Variants in NRG1 observed in about 807,000 individuals in gnomAD.
NRG1 encodes the protein neuregulin 1.
A neutral mutation model predicts 63.8 loss-of-function variants in NRG1; 18 were observed. The ratio of observed to expected loss-of-function variants is 0.28; its 90% CI spans 0.19 to 0.42. The LOEUF is 0.42. Among genes scored for constraint, NRG1 ranks in the 10% least tolerant of loss-of-function variants. The probability of loss-of-function intolerance (pLI) is 1.00; values close to 1 mark genes in which losing one functional copy is unlikely to be tolerated. For synonymous variants in NRG1, 302 were observed against 301.3 expected (o/e 1.00, Z -0.02); for missense variants, 762 against 814.7 (o/e 0.94, Z 0.79).
intron 1 of NRG1, among the ~76,000 whole-genome samples, chr8:32,263,346 A>G (rs934121446): frequency 1.3e-5 from 2 of 152,202 alleles, no homozygotes; most frequent in African/African-American, 4.8e-5. Flanking sequence ...ATTATGGCAC[A>G]CTGCCTTCCT....
chr8:31,667,513 G>A (rs1161576178), intron 1 of NRG1, among the ~76,000 whole-genome samples: 1 of 152,176 alleles, frequency 6.6e-6, no homozygotes, highest in African/African-American at 2.4e-5. Context: ...TTATGGGCAA[G>A]TACATGCAGG....
At chr8:32,412,463 T>TATATGTATATCTATAC (rs1554532953) in intron 1 of NRG1, among the ~76,000 whole-genome samples, 1 of 115,238 alleles carries the variant, frequency 8.7e-6, no homozygotes, top group Non-Finnish European at 1.9e-5. Context: ...CATATATATA[T>TATATGTATATCTATAC]ATATATATAT....
intron 1 of NRG1, among the ~76,000 whole-genome samples, chr8:31,891,644 T>A (rs1239533794): frequency 6.6e-6 from 1 of 152,108 alleles, no homozygotes; most frequent in Admixed American, 6.5e-5. Context: ...GCTTTTCTCA[T>A]AGAGAAGTGA....
chr8:31,712,203 G>C (rs1232230647), intron 1 of NRG1, among the ~76,000 whole-genome samples: 8 of 143,606 alleles, frequency 5.6e-5, no homozygotes, highest in African/African-American at 2.1e-4. Flanking sequence ...CTTGAGCTCT[G>C]ACAGGTTATA....
At chr8:31,924,693 A>G (rs1834193447) in intron 1 of NRG1, among the ~76,000 whole-genome samples, 2 of 148,326 alleles carry the variant, frequency 1.3e-5, no homozygotes, top group Non-Finnish European at 3.0e-5. Flanking sequence ...GAATTAGAGT[A>G]TAGATTATTG....
At chr8:31,953,198 A>G (rs941579112) in intron 1 of NRG1, among the ~76,000 whole-genome samples, 3 of 152,192 alleles carry the variant, frequency 2.0e-5, no homozygotes, top group Admixed American at 6.6e-5. Flanking sequence ...TGCATACTGA[A>G]GTATTTAGGG....
At chr8:31,647,780 A>G (rs1804431468) in intron 1 of NRG1, among the ~76,000 whole-genome samples, 1 of 152,186 alleles carries the variant, frequency 6.6e-6, no homozygotes, top group African/African-American at 2.4e-5. Context: ...ATTCCCATCC[A>G]TAGAGATGGG....
At chr8:32,132,704 C>A (rs1834997258) in intron 1 of NRG1, among the ~76,000 whole-genome samples, 1 of 152,062 alleles carries the variant, frequency 6.6e-6, no homozygotes, top group African/African-American at 2.4e-5. Flanking sequence ...ATAGTGTTTA[C>A]TGCTTTGCCA....
At position 31,644,900 on chromosome 8, in the gene NRG1, A is replaced by G. The variant is rs145740740; in HGVS notation, c.37+5469A>G. On this transcript the variant is annotated intron_variant, in intron 1 of 10. Coordinates refer to the NRG1 transcript ENST00000519301. Reference sequence around the variant, plus strand: ...AATCTCTTTTGATAGCTCTTAATGAATGGGTATTTTGATTAGCTTTGTATA... The same window carrying G: ...AATCTCTTTTGATAGCTCTTAATGAGTGGGTATTTTGATTAGCTTTGTATA... Among the ~76,000 whole-genome samples, 73 of 152,220 alleles carry G rather than the reference A, an allele frequency of 4.8e-4. 1 individual carries two copies. In the South Asian group the frequency reaches 8.3e-3, roughly 17 times the overall value.
chr8:32,760,346 G>C, exon 11 of NRG1: 1 of 1,614,000 alleles, frequency 6.2e-7, no homozygotes, highest in Non-Finnish European at 8.5e-7. Flanking sequence ...GAATGTAACA[G>C]CTTCCTCAGG....
chr8:32,296,974 G>A (rs1266531026), intron 1 of NRG1, among the ~76,000 whole-genome samples: 1 of 151,992 alleles, frequency 6.6e-6, no homozygotes, highest in Non-Finnish European at 1.5e-5. Context: ...AATTAGCTGG[G>A]CGTGGTGGCC....
chr8:32,553,487 G>T (rs1284083089), intron 1 of NRG1, among the ~76,000 whole-genome samples: 1 of 152,008 alleles, frequency 6.6e-6, no homozygotes, highest in African/African-American at 2.4e-5. Flanking sequence ...TTCCATAACT[G>T]CATATATACA....
intron 1 of NRG1, among the ~76,000 whole-genome samples, chr8:32,276,493 A>G (rs1852108072): frequency 6.6e-6 from 1 of 152,076 alleles, no homozygotes. Context: ...CTATGAGTGA[A>G]GTGGAAATTT....
intron 1 of NRG1, among the ~76,000 whole-genome samples, chr8:31,892,256 G>T (rs1831206975): frequency 6.6e-6 from 1 of 152,120 alleles, no homozygotes; most frequent in Non-Finnish European, 1.5e-5. Flanking sequence ...GCTGCTCTTA[G>T]TTGAAATAAC....
At chr8:31,690,959 C>T (rs1044543397) in intron 1 of NRG1, among the ~76,000 whole-genome samples, 11 of 152,038 alleles carry the variant, frequency 7.2e-5, no homozygotes. Context: ...ATATGGGAGC[C>T]ATCAGCACAT....
intron 5 of NRG1, among the ~76,000 whole-genome samples, chr8:32,708,842 A>G (rs1042163497): frequency 2.6e-5 from 4 of 152,220 alleles, no homozygotes; most frequent in African/African-American, 4.8e-5. Flanking sequence ...ATGGGTACAT[A>G]TAACAGTGAC....
At chr8:32,152,246 AAGCTGTAG>A (rs1416177019) in intron 1 of NRG1, among the ~76,000 whole-genome samples, 1 of 152,246 alleles carries the variant, frequency 6.6e-6, no homozygotes, top group Non-Finnish European at 1.5e-5. Flanking sequence ...GAACATTTGC[AAGCTGTAG>A]AGCTGTAGAG....
At chr8:32,552,488 G>T (rs892458791) in intron 1 of NRG1, among the ~76,000 whole-genome samples, 1 of 152,114 alleles carries the variant, frequency 6.6e-6, no homozygotes, top group South Asian at 2.1e-4. Context: ...GAAGCAGGCT[G>T]TGTGTTTCCC....
intron 1 of NRG1, among the ~76,000 whole-genome samples, chr8:32,014,284 T>C (rs995556476): frequency 6.6e-6 from 1 of 152,110 alleles, no homozygotes; most frequent in Non-Finnish European, 1.5e-5. Flanking sequence ...TTGTAAGTTG[T>C]ATTCCTAGGT....
Sources: allele counts gnomAD v4.1 joint callset (sites outside exome capture counted in the v4.1 genomes callset), GRCh38; gene constraint gnomAD v4.1.1; transcripts MANE v1.5; gene names NCBI Gene and HGNC (gene_info 2026-07-23, HGNC 2026-07-21).